Variants in WIPF1 observed in about 807,000 individuals in gnomAD.
WIPF1 encodes the protein WAS/WASL-interacting protein family member 1.
A neutral mutation model predicts 35.4 loss-of-function variants in WIPF1; 13 were observed. That is an observed-to-expected ratio of 0.37 (90% CI 0.24 to 0.58). The LOEUF (loss-of-function observed/expected upper bound fraction) is 0.58, where lower values mean the gene tolerates loss of function less well. Ranked by LOEUF, WIPF1 falls within the 20% of genes least tolerant of loss-of-function variation. The probability of loss-of-function intolerance (pLI) is 0.74; values close to 1 mark genes in which losing one functional copy is unlikely to be tolerated. For synonymous variants in WIPF1, 267 were observed against 266.3 expected (o/e 1.00, Z -0.02); for missense variants, 591 against 667.0 (o/e 0.89, Z 1.25).
At chr2:174,579,666 G>A (rs1685173801) in intron 3 of WIPF1, among the ~76,000 whole-genome samples, 1 of 152,296 alleles carries the variant, frequency 6.6e-6, no homozygotes, top group South Asian at 2.1e-4. Flanking sequence ...AAGAGAAGTG[G>A]ACATTGAAGA....
chr2:174,567,393 T>A (rs529408738), intron 6 of WIPF1, among the ~76,000 whole-genome samples: 2 of 152,286 alleles, frequency 1.3e-5, no homozygotes, highest in South Asian at 4.1e-4. Context: ...AGCAAAGTGG[T>A]TTTAGTGAGA....
chr2:174,631,340 C>T (rs751108733), intron 1 of WIPF1, among the ~76,000 whole-genome samples: 3 of 151,998 alleles, frequency 2.0e-5, no homozygotes, highest in African/African-American at 7.3e-5. Flanking sequence ...AAGGACATTA[C>T]GCTAAGTGAA....
At chr2:174,572,553 TA>T (rs1684908548) in intron 4 of WIPF1, 107 bp from the exon 5 acceptor site, 1 of 1,389,594 alleles carries the variant, frequency 7.2e-7, no homozygotes, top group Non-Finnish European at 9.7e-7. Flanking sequence ...CAGAGGGCTA[TA>T]AAATACAGGA....
At chr2:174,633,204 G>GA (rs1687082569) in intron 1 of WIPF1, among the ~76,000 whole-genome samples, 2 of 152,054 alleles carry the variant, frequency 1.3e-5, no homozygotes, top group South Asian at 2.1e-4. Flanking sequence ...GGTAAAATAT[G>GA]AAAAAAATGT....
chr2:174,606,546 AGGAT>A (rs1686170057), intron 1 of WIPF1, among the ~76,000 whole-genome samples: 1 of 152,226 alleles, frequency 6.6e-6, no homozygotes, highest in Non-Finnish European at 1.5e-5. Context: ...TTATGCTGGC[AGGAT>A]GCCTGAATGA....
chr2:174,661,371 G>A (rs969491296), intron 1 of WIPF1, among the ~76,000 whole-genome samples: 1 of 152,064 alleles, frequency 6.6e-6, no homozygotes, highest in African/African-American at 2.4e-5. Context: ...CTACACCTCT[G>A]GCATGGCCCC....
At chr2:174,632,227 G>A (rs758977246) in intron 1 of WIPF1, among the ~76,000 whole-genome samples, 2 of 152,036 alleles carry the variant, frequency 1.3e-5, no homozygotes, top group Admixed American at 6.5e-5. Flanking sequence ...GTCTCCACTC[G>A]TTCTTTCAGA....
At chr2:174,665,974 A>AATTT (rs1687883134) in intron 1 of WIPF1, among the ~76,000 whole-genome samples, 1 of 152,186 alleles carries the variant, frequency 6.6e-6, no homozygotes, top group Non-Finnish European at 1.5e-5. Context: ...TAGCCTCTTA[A>AATTT]ATTTTCTCTC....
At chr2:174,581,164 G>A in intron 3 of WIPF1, 146 bp downstream of exon 3, 1 of 1,146,410 alleles carries the variant, frequency 8.7e-7, no homozygotes. Flanking sequence ...CGGCCTACAG[G>A]GAGTGATACA....
intron 1 of WIPF1, among the ~76,000 whole-genome samples, chr2:174,680,424 C>T (rs1332559594): frequency 1.3e-5 from 2 of 152,160 alleles, no homozygotes; most frequent in African/African-American, 4.8e-5. Context: ...TGTGTGGAAA[C>T]CATTAAGAAT....
chr2:174,602,227 C>T (rs1443881957), upstream of WIPF1, among the ~76,000 whole-genome samples: 2 of 152,040 alleles, frequency 1.3e-5, no homozygotes, highest in Non-Finnish European at 2.9e-5. Context: ...AAATAAAAAA[C>T]CAAGAGCAGG....
In WIPF1 at chr2:174,670,089, TC is replaced by T. The variant is rs1305616700; in HGVS notation, c.-39+12684del. Among the ~76,000 whole-genome samples, 4 of 152,146 alleles carry T rather than the reference TC, an allele frequency of 2.6e-5. No individual in the cohort carries two copies. In the South Asian group the frequency reaches 6.2e-4, roughly 24 times the overall value. Reference sequence around the variant, plus strand: ...CCTAATGAGTTTTCCTAAAGGCAGATCCCAGCTTAGTCCAGCTCACTGAGTT... The same window carrying T: ...CCTAATGAGTTTTCCTAAAGGCAGATCCAGCTTAGTCCAGCTCACTGAGTT... On this transcript the variant is annotated intron_variant, in intron 1 of 8. Coordinates refer to the WIPF1 transcript ENST00000272746.
chr2:174,623,569 C>A (rs1328431954), intron 1 of WIPF1: 1 of 152,170 alleles, frequency 6.6e-6, no homozygotes, highest in Non-Finnish European at 1.5e-5. Context: ...TCTTTTTATA[C>A]CCAAATCTCA....
At chr2:174,567,246 G>A (rs1015222378) in intron 6 of WIPF1, 63 bp from the exon 7 acceptor site, 29 of 1,423,028 alleles carry the variant, frequency 2.0e-5, no homozygotes, top group Middle Eastern at 1.7e-4. Context: ...CTTACGTAAC[G>A]AAAGGCACAG....
At position 174,651,722 on chromosome 2, in the gene WIPF1, T is replaced by C. The variant is rs573323630; in HGVS notation, c.-39+31052A>G. ...CTTTATTGGATGAGTGCTCCAGTTA[T>C]CTACTGCTGCATAACCAAAGGACCC... is the stretch of plus-strand genomic sequence containing the variant. On this transcript the variant is annotated intron_variant, in intron 1 of 8. Coordinates refer to the WIPF1 transcript ENST00000272746. Among the ~76,000 whole-genome samples, 8 of 152,276 alleles carry C rather than the reference T, an allele frequency of 5.3e-5. No homozygotes were observed. In the South Asian group the frequency reaches 1.7e-3, roughly 32 times the overall value.
intron 1 of WIPF1, among the ~76,000 whole-genome samples, chr2:174,653,680 T>C (rs1266303475): frequency 1.4e-5 from 2 of 147,062 alleles, no homozygotes; most frequent in East Asian, 4.0e-4. Flanking sequence ...AGGCGGAGCT[T>C]GCAGTGAGCC....
intron 1 of WIPF1, among the ~76,000 whole-genome samples, chr2:174,656,964 T>C (rs772358002): frequency 7.2e-5 from 11 of 152,224 alleles, no homozygotes; most frequent in Non-Finnish European, 1.6e-4. Context: ...TCAGTTACAC[T>C]ATACACATAT....
At chr2:174,577,467 G>A (rs957770716) in intron 3 of WIPF1, among the ~76,000 whole-genome samples, 5 of 152,152 alleles carry the variant, frequency 3.3e-5, no homozygotes, top group African/African-American at 1.2e-4. Context: ...TTATTGGTTT[G>A]AAATAGGTTT....
At chr2:174,587,012 A>T (rs1055236769) in intron 1 of WIPF1, among the ~76,000 whole-genome samples, 4 of 152,248 alleles carry the variant, frequency 2.6e-5, no homozygotes, top group Admixed American at 6.5e-5. Context: ...AAATTTTTTT[A>T]AATTTTTTTT....
Sources: gnomAD v4.1 joint callset for allele counts (sites outside exome capture counted in the v4.1 genomes callset) on GRCh38, gnomAD v4.1.1 for gene constraint, MANE v1.5 for transcripts, NCBI Gene and HGNC (gene_info 2026-07-23, HGNC 2026-07-21) for gene names.